GABRG2: variants seen among roughly 807,000 people sequenced by gnomAD.
GABRG2 encodes gamma-aminobutyric acid receptor subunit gamma-2.
In GABRG2, 16 loss-of-function variants were observed where a neutral mutation model predicts 56.4. The observed-to-expected ratio is 0.28, with a 90% CI of 0.19 to 0.43. The LOEUF is 0.43. Among genes scored for constraint, GABRG2 ranks in the 20% least tolerant of loss-of-function variants. GABRG2 has a pLI of 1.00. For synonymous variants in GABRG2, 208 were observed against 205.5 expected (o/e 1.01, Z -0.10); for missense variants, 327 against 582.7 (o/e 0.56, Z 4.52).
At chr5:162,074,325 A>G (rs1478067630) in intron 1 of GABRG2, among the ~76,000 whole-genome samples, 2 of 152,028 alleles carry the variant, frequency 1.3e-5, no homozygotes, top group East Asian at 3.8e-4. Flanking sequence ...GCACTGATAC[A>G]ACACTCTCCA....
chr5:162,135,773 G>T (rs1581426914), intron 6 of GABRG2, among the ~76,000 whole-genome samples: 1 of 152,230 alleles, frequency 6.6e-6, no homozygotes, highest in South Asian at 2.1e-4. Context: ...GCAGGTGAAA[G>T]AACCCTGTGG....
rs181417852 is a variant in GABRG2 at position 162,112,427 on chromosome 5, C to T, written c.769+8401C>T. 4.1e-3 allele frequency among the ~76,000 whole-genome samples: 624 copies of T among 151,290 alleles called. 1 individual carries two copies. The highest frequency in any genetic ancestry group is 0.013 in the African/African-American group (530 of 41,264). ...GAAAGACATTTTTTTTTTGAAAATG[C>T]AAAAATGTGAGAGAATGAAGACTGA... On this transcript the variant is annotated intron_variant, in intron 6 of 9. Coordinates refer to ENST00000639213, the MANE Select transcript of GABRG2 (RefSeq NM_198904.4).
chr5:162,077,931 A>T (rs911887925), intron 1 of GABRG2, among the ~76,000 whole-genome samples: 1 of 152,130 alleles, frequency 6.6e-6, no homozygotes, highest in East Asian at 1.9e-4. Context: ...GGAGGAAAGG[A>T]GGAGGGAGGA....
chr5:162,094,307 A>C, intron 2 of GABRG2: 1 of 339,540 alleles, frequency 2.9e-6, no homozygotes, highest in South Asian at 2.8e-5. Flanking sequence ...CAAGACAATA[A>C]CAGTAAAGAG....
intron 1 of GABRG2, among the ~76,000 whole-genome samples, chr5:162,090,590 T>G (rs2113273567): frequency 6.6e-6 from 1 of 152,278 alleles, no homozygotes; most frequent in South Asian, 2.1e-4. Flanking sequence ...AGACGAAAAC[T>G]TCACATTCTT....
Position 162,101,326 on chromosome 5 carries a change from T to TTA in GABRG2, c.631+9_631+10insTA, listed in dbSNP as rs764024986. ...CTTGGAGTTCTCCAGTTGTAAGTAA[T>TTA]ATTCCTTCTCCATTTGTATCCTCCC... On this transcript the variant is annotated intron_variant, in intron 5 of 9. Coordinates refer to ENST00000639213, the MANE Select transcript of GABRG2 (RefSeq NM_198904.4). The TTA allele has an allele frequency of 2.6e-6, 4 of 1,565,850 alleles. No individual in the cohort carries two copies. The highest frequency in any genetic ancestry group is 8.8e-7 in the Non-Finnish European group (1 of 1,136,944).
chr5:162,102,019 T>C (rs1459202874), intron 5 of GABRG2: 1 of 156,258 alleles, frequency 6.4e-6, no homozygotes, highest in African/African-American at 2.4e-5. Flanking sequence ...GTTGTACATA[T>C]TGGACAGAAT....
intron 1 of GABRG2, among the ~76,000 whole-genome samples, chr5:162,074,170 TA>T (rs1221767177): frequency 6.6e-6 from 1 of 151,732 alleles, no homozygotes; most frequent in Non-Finnish European, 1.5e-5. Context: ...TGGTTTAGGG[TA>T]AAAATAAAAC....
chr5:162,111,424 G>A (rs527491837), intron 6 of GABRG2, among the ~76,000 whole-genome samples: 12 of 152,174 alleles, frequency 7.9e-5, no homozygotes, highest in East Asian at 7.7e-4. Flanking sequence ...TTTAAGGGGC[G>A]GAGGGAGATG....
chr5:162,075,411 A>G (rs1249732458), intron 1 of GABRG2, among the ~76,000 whole-genome samples: 3 of 152,068 alleles, frequency 2.0e-5, no homozygotes, highest in Non-Finnish European at 2.9e-5. Flanking sequence ...TTGTACTCCT[A>G]AGTCCTCTAA....
At chr5:162,098,592 G>A (rs1037665350) in intron 4 of GABRG2, 2 of 152,092 alleles carry the variant, frequency 1.3e-5, no homozygotes, top group East Asian at 1.9e-4. Context: ...ATAGTCTTAC[G>A]AATCAGACAT....
In GABRG2 at chr5:162,142,844, A is replaced by G. The variant is rs559111046; in HGVS notation, c.922+528A>G. 4.8e-5 allele frequency: 8 copies of G among 166,722 alleles called. No individual in the cohort carries two copies. The East Asian group carries it at 1.3e-3, about 26-fold the overall frequency. The allele number at this position is 166,722 out of a possible 1,614,324, so 10.3% of individuals were successfully genotyped here. A position where few individuals can be genotyped will look rare whatever the true frequency, so the allele number is the denominator to read the frequency against. ...CAGCACACCAGCATGGCACATGTAT[A>G]CATATGTAACAAACCTGCACGTTGT... is the stretch of plus-strand genomic sequence containing the variant. On this transcript the variant is annotated intron_variant, in intron 7 of 9. Transcript: ENST00000639213.
chr5:162,115,844 A>G (rs80240598), intron 6 of GABRG2, among the ~76,000 whole-genome samples: 1,855 of 152,220 alleles, frequency 0.012, 40 homozygotes, highest in African/African-American at 0.043. Context: ...CTCTAAAATA[A>G]TAATGATAAT....
intron 6 of GABRG2, among the ~76,000 whole-genome samples, chr5:162,109,875 G>A (rs971943586): frequency 2.0e-5 from 3 of 151,638 alleles, no homozygotes; most frequent in Non-Finnish European, 4.4e-5. Context: ...GGTTTCTTAC[G>A]GGAAACTTAC....
intron 7 of GABRG2, among the ~76,000 whole-genome samples, chr5:162,143,903 G>C (rs1435376324): frequency 6.6e-6 from 1 of 152,088 alleles, no homozygotes; most frequent in African/African-American, 2.4e-5. Context: ...TGATTACTGG[G>C]GGAAAAGACA....
chr5:162,125,959 G>C (rs1375884660), intron 6 of GABRG2, among the ~76,000 whole-genome samples: 2 of 151,964 alleles, frequency 1.3e-5, no homozygotes, highest in Non-Finnish European at 2.9e-5. Flanking sequence ...AAAGGTTACA[G>C]TTATTAATTT....
At position 162,092,367 on chromosome 5, in the gene GABRG2, G is replaced by A. The variant is rs116721313; in HGVS notation, c.108-1461G>A. ...TTAGGCCTTTTGCAGATGTATTTTTGTGATGTTTCCTAGTCATACAGCTTT... is the reference window on the plus strand; with the variant it reads ...TTAGGCCTTTTGCAGATGTATTTTTATGATGTTTCCTAGTCATACAGCTTT... On this transcript the variant is annotated intron_variant, in intron 1 of 9. Coordinates refer to ENST00000639213, the MANE Select transcript of GABRG2 (RefSeq NM_198904.4). Among the ~76,000 whole-genome samples the A allele has an allele frequency of 8.7e-3, 1,324 of 152,192 alleles. 20 individuals carry two copies. The highest frequency in any genetic ancestry group is 0.031 in the African/African-American group (1,269 of 41,536).
chr5:162,116,904 T>C (rs1425699839), intron 6 of GABRG2, among the ~76,000 whole-genome samples: 1 of 152,124 alleles, frequency 6.6e-6, no homozygotes, highest in Non-Finnish European at 1.5e-5. Flanking sequence ...AGGCTTGTGA[T>C]TTGCCAGTTT....
At chr5:162,084,919 T>C (rs532873667) in intron 1 of GABRG2, among the ~76,000 whole-genome samples, 3 of 151,942 alleles carry the variant, frequency 2.0e-5, no homozygotes, top group Non-Finnish European at 4.4e-5. Context: ...GTTATCATTA[T>C]AGTCCAATAA....
Sources: allele counts gnomAD v4.1 joint callset (sites outside exome capture counted in the v4.1 genomes callset), GRCh38; gene constraint gnomAD v4.1.1; transcripts MANE v1.5; gene names NCBI Gene and HGNC (gene_info 2026-07-23, HGNC 2026-07-21).